Variants in RPTOR observed in about 807,000 individuals in gnomAD.
The protein encoded by RPTOR is regulatory-associated protein of mTOR.
RPTOR carries 21 observed loss-of-function variants against 169.9 expected under a neutral mutation model. That is an observed-to-expected ratio of 0.12 (90% CI 0.09 to 0.18). The LOEUF is 0.18. Among genes scored for constraint, RPTOR ranks in the 10% least tolerant of loss-of-function variants. RPTOR has a pLI of 1.00. For synonymous variants in RPTOR, 732 were observed against 753.2 expected, an observed-to-expected ratio of 0.97 and a Z score of 0.46; for missense variants, 1,133 against 1,855.9, an observed-to-expected ratio of 0.61 and a Z score of 7.16.
intron 6 of RPTOR, among the ~76,000 whole-genome samples, chr17:80,761,003 TTG>T (rs1370175164): frequency 6.6e-6 from 1 of 152,250 alleles, no homozygotes; most frequent in African/African-American, 2.4e-5. Flanking sequence ...TTTTTCATTT[TTG>T]CCTGTCTTTT....
rs768855348 is a variant in RPTOR, at chr17:80,820,765, G to A, written c.891-1436G>A. Among the ~76,000 whole-genome samples, 13 of 152,266 alleles carry A rather than the reference G, an allele frequency of 8.5e-5. No homozygotes were observed. The highest frequency in any genetic ancestry group is 1.9e-4 in the East Asian group (1 of 5,176). ...TCTGCTGTCCTTGTGCCGTGTGTTC[G>A]CCTCCAGGCCTGGGTTTCTTTTAAA... On this transcript the variant is annotated intron_variant, in intron 7 of 33. Transcript: ENST00000306801. The surrounding 1 kb of genome is among the most constrained non-coding windows in gnomAD (Gnocchi z 4.1).
Position 80,721,686 on chromosome 17 carries a change from A to G in RPTOR, c.508-8874A>G, listed in dbSNP as rs80158096. On this transcript the variant is annotated intron_variant, in intron 4 of 33. Coordinates refer to ENST00000306801, the MANE Select transcript of RPTOR (RefSeq NM_020761.3). This position sits in a 1 kb window ranked among gnomAD's most constrained non-coding sequence, Gnocchi z 4.7. ...TTATTTTGGTAGTCATACACATGAA[A>G]TGCACTTTGGGGGAGAAGGATGAAA... Among the ~76,000 whole-genome samples, 97 of 151,462 alleles carry G rather than the reference A, an allele frequency of 6.4e-4. 1 individual carries two copies. The East Asian group carries it at 0.019, about 29-fold the overall frequency.
At chr17:80,848,853 A>C (rs1485535538) in intron 11 of RPTOR, among the ~76,000 whole-genome samples, 2 of 152,036 alleles carry the variant, frequency 1.3e-5, no homozygotes, top group Non-Finnish European at 2.9e-5. Flanking sequence ...GGCCACCCAC[A>C]CTCCCTCAAG....
intron 3 of RPTOR, among the ~76,000 whole-genome samples, chr17:80,680,155 C>T (rs1269371224): frequency 6.6e-6 from 1 of 152,238 alleles, no homozygotes; most frequent in Non-Finnish European, 1.5e-5. Context: ...CTGCTCTCTT[C>T]CTCCAGGCAC....
chr17:80,546,108 A>G (rs1397817336), intron 1 of RPTOR, among the ~76,000 whole-genome samples: 2 of 152,224 alleles, frequency 1.3e-5, no homozygotes, highest in Non-Finnish European at 2.9e-5. Context: ...TTAGTTCTGT[A>G]AACACTTAGA....
intron 3 of RPTOR, among the ~76,000 whole-genome samples, chr17:80,672,008 TA>T (rs2065825411): frequency 6.6e-6 from 1 of 152,340 alleles, no homozygotes; most frequent in Admixed American, 6.5e-5. Context: ...TGCTTCTTTT[TA>T]AAATACAATG....
intron 31 of RPTOR, chr17:80,961,823 G>GTCATAAT: frequency 3.4e-6 from 1 of 292,556 alleles, no homozygotes; most frequent in Non-Finnish European, 6.4e-6. Flanking sequence ...CGTGGCAGTT[G>GTCATAAT]TCTGCACATA....
At chr17:80,791,322 C>T (rs997032019) in intron 6 of RPTOR, 128 bp from the exon 7 acceptor site, 12 of 680,032 alleles carry the variant, frequency 1.8e-5, no homozygotes, top group Non-Finnish European at 1.9e-5. Flanking sequence ...TTAAGGAAAT[C>T]TGAGTGTACT....
chr17:80,714,573 A>T (rs1473513480), intron 4 of RPTOR, among the ~76,000 whole-genome samples: 1 of 152,246 alleles, frequency 6.6e-6, no homozygotes, highest in East Asian at 1.9e-4. Flanking sequence ...TCAAAGACAA[A>T]ATCATAAAAG....
intron 1 of RPTOR, among the ~76,000 whole-genome samples, chr17:80,580,201 T>A (rs1451315905): frequency 6.8e-6 from 1 of 146,496 alleles, no homozygotes; most frequent in Non-Finnish European, 1.5e-5. Context: ...TCTGATTTTT[T>A]AATATTATAA....
At chr17:80,696,460 G>A (rs1047909668) in intron 3 of RPTOR, among the ~76,000 whole-genome samples, 4 of 152,156 alleles carry the variant, frequency 2.6e-5, no homozygotes, top group Admixed American at 2.6e-4. Flanking sequence ...AGTTCAAAGC[G>A]AGCAGCATAT....
chr17:80,718,912 G>T (rs2066261499), intron 4 of RPTOR, among the ~76,000 whole-genome samples: 1 of 152,218 alleles, frequency 6.6e-6, no homozygotes, highest in Non-Finnish European at 1.5e-5. Flanking sequence ...CAGGTAGAAG[G>T]CCGTCGTATA....
At chr17:80,924,168 A>G (rs2068783902) in intron 23 of RPTOR, 2 of 156,266 alleles carry the variant, frequency 1.3e-5, no homozygotes, top group Admixed American at 6.4e-5. Context: ...AACTAAGTTG[A>G]AAAAGATATT....
At chr17:80,895,794 C>G (rs1310551804) in intron 20 of RPTOR, among the ~76,000 whole-genome samples, 1 of 152,238 alleles carries the variant, frequency 6.6e-6, no homozygotes, top group Non-Finnish European at 1.5e-5. Context: ...GTCTGATAGA[C>G]ACACCTGGTG....
At chr17:80,655,874 A>G (rs1214102417) in intron 3 of RPTOR, among the ~76,000 whole-genome samples, 1 of 152,028 alleles carries the variant, frequency 6.6e-6, no homozygotes, top group Non-Finnish European at 1.5e-5. Context: ...ATATGTGTAC[A>G]TGGGTGGGTA....
chr17:80,592,618 C>T (rs1223343565), intron 1 of RPTOR, among the ~76,000 whole-genome samples: 1 of 152,160 alleles, frequency 6.6e-6, no homozygotes, highest in Non-Finnish European at 1.5e-5. Context: ...GTAATTTTCA[C>T]TTATCTCTAT....
chr17:80,549,425 G>A (rs1348687507), intron 1 of RPTOR, among the ~76,000 whole-genome samples: 3 of 151,898 alleles, frequency 2.0e-5, no homozygotes, highest in African/African-American at 4.8e-5. Flanking sequence ...TTCTCCTGCC[G>A]CAGCCTCCCG....
chr17:80,839,464 G>A (rs566349134), intron 10 of RPTOR, among the ~76,000 whole-genome samples: 10 of 152,302 alleles, frequency 6.6e-5, no homozygotes, highest in South Asian at 2.1e-4. Flanking sequence ...AGACCGCCCC[G>A]CATTTTACAC....
chr17:80,551,646 C>T (rs2084347097), intron 1 of RPTOR, among the ~76,000 whole-genome samples: 1 of 152,112 alleles, frequency 6.6e-6, no homozygotes, highest in Non-Finnish European at 1.5e-5. Flanking sequence ...GGGTTTTATA[C>T]CGAGACATTC....
Sources: gnomAD v4.1 joint callset for allele counts (sites outside exome capture counted in the v4.1 genomes callset) on GRCh38, gnomAD v4.1.1 for gene constraint, Gnocchi (gnomAD v3.1) non-coding constraint, MANE v1.5 for transcripts, NCBI Gene and HGNC (gene_info 2026-07-23, HGNC 2026-07-21) for gene names.